KIF20B: variants seen among roughly 807,000 people sequenced by gnomAD.
KIF20B encodes the protein kinesin family member 20B.
KIF20B carries 188 observed loss-of-function variants against 232.5 expected under a neutral mutation model. The observed-to-expected ratio is 0.81, with a 90% CI of 0.72 to 0.91. The LOEUF (loss-of-function observed/expected upper bound fraction) is 0.91. Ranked by LOEUF, KIF20B falls within the 40% of genes least tolerant of loss-of-function variation. KIF20B has a pLI of 0.00. For missense variants in KIF20B, 2,154 were observed against 2,055.9 expected, an observed-to-expected ratio of 1.05 and a Z score of -0.92; for synonymous variants, 712 against 683.0, an observed-to-expected ratio of 1.04 and a Z score of -0.66.
Position 89,703,112 on chromosome 10 carries a change from C to T in KIF20B, c.-2+1432C>T, listed in dbSNP as rs1842645818. On this transcript the variant is annotated intron_variant, in intron 1 of 32. Coordinates refer to ENST00000371728, the MANE Select transcript of KIF20B (RefSeq NM_001284259.2). ...GATTTATCAACACTTTTCTTTAAAC[C>T]AAAAATTATTATTTGAAGCCACAGG... 2.1e-5 allele frequency among the ~76,000 whole-genome samples: 3 copies of T among 145,980 alleles called. No individual in the cohort carries two copies. The South Asian group carries it at 6.5e-4, about 31-fold the overall frequency.
intron 13 of KIF20B, among the ~76,000 whole-genome samples, chr10:89,722,048 A>G (rs1843070649): frequency 1.3e-5 from 2 of 152,042 alleles, no homozygotes; most frequent in Admixed American, 1.3e-4. Context: ...AGTAGCTGGG[A>G]CCACAGATGC....
chr10:89,751,046 C>T (rs531828512), intron 23 of KIF20B, among the ~76,000 whole-genome samples: 6 of 152,016 alleles, frequency 3.9e-5, no homozygotes, highest in Middle Eastern at 3.4e-3. Context: ...TTAGTTGTAT[C>T]GGAATAGTTT....
chr10:89,745,984 G>C, intron 23 of KIF20B, 25 bp downstream of exon 23: 1 of 1,581,778 alleles, frequency 6.3e-7, no homozygotes, highest in Non-Finnish European at 8.7e-7. Flanking sequence ...TGTACTTCTG[G>C]AACCAGAAAA....
chr10:89,725,770 C>T (rs1384834190), intron 15 of KIF20B, among the ~76,000 whole-genome samples: 1 of 152,126 alleles, frequency 6.6e-6, no homozygotes, highest in African/African-American at 2.4e-5. Flanking sequence ...GAAAAATTAT[C>T]CTTTTCTGCT....
At chr10:89,722,740 T>G (rs1378514126) in intron 13 of KIF20B, among the ~76,000 whole-genome samples, 1 of 141,960 alleles carries the variant, frequency 7.0e-6, no homozygotes, top group Non-Finnish European at 1.5e-5. Context: ...TCTCCTTCAA[T>G]AGTTATTATT....
chr10:89,737,323 A>G (rs1841679335), intron 19 of KIF20B, 64 bp from the exon 20 acceptor site: 1 of 1,378,262 alleles, frequency 7.3e-7, no homozygotes, highest in Non-Finnish European at 9.5e-7. Flanking sequence ...ATATTGGCTT[A>G]TATGGTGACT....
chr10:89,743,908 G>A lies in KIF20B; in HGVS notation c.4016G>A (p.Arg1339Gln), dbSNP rs777798374. 2.1e-5 allele frequency: 33 copies of A among 1,584,812 alleles called. No homozygotes were observed. The highest frequency in any genetic ancestry group is 4.8e-5 in the South Asian group (4 of 83,744). ...QCSQELDMKQRTIQQLKEQLN... is the reference protein window; with the variant it reads ...QCSQELDMKQQTIQQLKEQLN... ...TCTCAGGAATTAGATATGAAACAGC[G>A]AACCATTCAGCAACTCAAGGTAAAC... The change falls in exon 22 of 33, where the codon CGA becomes CAA. Residue 1339 changes from arginine to glutamine, a missense_variant. Physicochemically the swap from Arg to Gln is conservative, Grantham distance 43. Transcript: ENST00000371728.
At chr10:89,748,443 T>G (rs1305033703) in intron 23 of KIF20B, among the ~76,000 whole-genome samples, 1 of 152,224 alleles carries the variant, frequency 6.6e-6, no homozygotes, top group Non-Finnish European at 1.5e-5. Context: ...TGCTTCACTC[T>G]TAAGTCTCAG....
chr10:89,726,571 G>A, intron 16 of KIF20B, 50 bp downstream of exon 16: 1 of 1,400,142 alleles, frequency 7.1e-7, no homozygotes, highest in Non-Finnish European at 9.6e-7. Context: ...CACATAAAAA[G>A]TACTCTTGGT....
intron 23 of KIF20B, 32 bp downstream of exon 23, chr10:89,745,991 A>G: frequency 1.3e-6 from 2 of 1,541,994 alleles, no homozygotes; most frequent in African/African-American, 1.4e-5. Context: ...CTGGAACCAG[A>G]AAAGTTCTCT....
intron 26 of KIF20B, 34 bp downstream of exon 26, chr10:89,754,707 C>G: frequency 7.0e-7 from 1 of 1,438,272 alleles, no homozygotes; most frequent in Non-Finnish European, 9.2e-7. Flanking sequence ...TGTATTTCAC[C>G]TACTTTCCTT....
intron 5 of KIF20B, among the ~76,000 whole-genome samples, chr10:89,710,492 G>A (rs558539578): frequency 6.6e-6 from 1 of 152,266 alleles, no homozygotes; most frequent in African/African-American, 2.4e-5. Context: ...GCCTTCCAAA[G>A]TGCTTGGATT....
At chr10:89,738,693 A>ATCT (rs1362472325) in intron 20 of KIF20B, 76 bp downstream of exon 20, 6 of 1,449,894 alleles carry the variant, frequency 4.1e-6, no homozygotes, top group Admixed American at 2.7e-5. Flanking sequence ...AAAAAGTTAG[A>ATCT]TAGTCATACT....
chr10:89,708,763 G>C (rs17483706), intron 2 of KIF20B, among the ~76,000 whole-genome samples: 10,562 of 152,182 alleles, frequency 0.069, 468 homozygotes, highest in Admixed American at 0.1. Flanking sequence ...CTCAGAAAAA[G>C]TAACAAGGAG....
chr10:89,747,763 C>T (rs1841945772), intron 23 of KIF20B, among the ~76,000 whole-genome samples: 1 of 151,894 alleles, frequency 6.6e-6, no homozygotes, highest in Non-Finnish European at 1.5e-5. Context: ...GGAGGGATAG[C>T]ATTGGGAGAT....
intron 23 of KIF20B, 39 bp from the exon 24 acceptor site, chr10:89,751,307 A>C (rs757949957): frequency 1.3e-6 from 2 of 1,515,572 alleles, no homozygotes; most frequent in Non-Finnish European, 1.8e-6. Flanking sequence ...GGATATCTAG[A>C]GGCTATTAAT....
chr10:89,727,104 G>A (rs1024181587), intron 16 of KIF20B, among the ~76,000 whole-genome samples: 1 of 152,014 alleles, frequency 6.6e-6, no homozygotes, highest in African/African-American at 2.4e-5. Context: ...GAGCCGTGCT[G>A]TGCCTGGCCT....
intron 23 of KIF20B, among the ~76,000 whole-genome samples, 194 bp downstream of exon 23, chr10:89,746,153 A>G (rs1193296575): frequency 6.6e-6 from 1 of 152,218 alleles, no homozygotes; most frequent in Non-Finnish European, 1.5e-5. Flanking sequence ...ACAGCTCCTG[A>G]AGGCCCCAGT....
intron 17 of KIF20B, 146 bp downstream of exon 17, chr10:89,728,042 T>A: frequency 1.6e-6 from 1 of 622,424 alleles, no homozygotes. Flanking sequence ...TATTCTGTTA[T>A]TTTTTCTGTT....
Sources: gnomAD v4.1 joint callset for allele counts (sites outside exome capture counted in the v4.1 genomes callset) on GRCh38, gnomAD v4.1.1 for gene constraint, MANE v1.5 for transcripts, NCBI Gene and HGNC (gene_info 2026-07-23, HGNC 2026-07-21) for gene names.